Variants in IMMP2L observed in about 807,000 individuals in gnomAD.
IMMP2L encodes the protein inner mitochondrial membrane peptidase subunit 2.
IMMP2L carries 18 observed loss-of-function variants against 19.3 expected under a neutral mutation model. That is an observed-to-expected ratio of 0.93 (90% CI 0.64 to 1.38). The LOEUF (loss-of-function observed/expected upper bound fraction) is 1.38, where lower values mean the gene tolerates loss of function less well. Among genes scored for constraint, IMMP2L ranks in the 40% most tolerant of loss-of-function variants. The pLI is 0.00. For synonymous variants in IMMP2L, 76 were observed against 73.0 expected, an observed-to-expected ratio of 1.04 and a Z score of -0.21; for missense variants, 233 against 218.2, an observed-to-expected ratio of 1.07 and a Z score of -0.43.
At chr7:111,019,810 C>A (rs1296111050) in intron 3 of IMMP2L, among the ~76,000 whole-genome samples, 2 of 152,064 alleles carry the variant, frequency 1.3e-5, no homozygotes, top group East Asian at 1.9e-4. Flanking sequence ...AAAAAAAATT[C>A]TTGGAAGTAA....
At chr7:110,681,998 A>T (rs937055583) in intron 5 of IMMP2L, among the ~76,000 whole-genome samples, 1 of 152,182 alleles carries the variant, frequency 6.6e-6, no homozygotes, top group Non-Finnish European at 1.5e-5. Context: ...AAAAGAAGAA[A>T]GAAAAATGTG....
intron 3 of IMMP2L, among the ~76,000 whole-genome samples, chr7:111,108,249 TC>T (rs1012125879): frequency 4.6e-5 from 7 of 152,192 alleles, no homozygotes; most frequent in Non-Finnish European, 1.0e-4. Context: ...AGGACTTTTC[TC>T]AGTACTTAAC....
At chr7:111,319,611 T>C (rs556907723) in intron 3 of IMMP2L, among the ~76,000 whole-genome samples, 59 of 152,232 alleles carry the variant, frequency 3.9e-4, no homozygotes, top group African/African-American at 1.4e-3. Context: ...ATGTTTGGTT[T>C]CAAAGATCAG....
rs147339807 is a variant in IMMP2L, at chr7:111,349,989, C to T, written c.239+137249G>A. On this transcript the variant is annotated intron_variant, in intron 3 of 5. Transcript: ENST00000405709. ...ATGGTCCTTTTTTTTTTTTTTGAGA[C>T]GGAGTTTAGCTCTTATTGCCTAGAC... 7.8e-4 allele frequency among the ~76,000 whole-genome samples: 115 copies of T among 147,106 alleles called. 1 individual carries two copies. Among genetic ancestry groups the T allele is most frequent in the African/African-American group, 1.0e-3 (41 of 39,916 alleles).
intron 5 of IMMP2L, among the ~76,000 whole-genome samples, chr7:110,729,039 T>C (rs1796080684): frequency 7.1e-6 from 1 of 140,040 alleles, no homozygotes; most frequent in Non-Finnish European, 1.6e-5. Flanking sequence ...CACATGCCAC[T>C]ATGCCTGGCT....
intron 3 of IMMP2L, among the ~76,000 whole-genome samples, chr7:110,995,368 G>A (rs150265723): frequency 6.6e-6 from 1 of 152,246 alleles, no homozygotes; most frequent in Admixed American, 6.6e-5. Context: ...CATATTTATA[G>A]TTATTTATTG....
In IMMP2L at chr7:111,527,271, G is replaced by A. The variant is rs926177967; in HGVS notation, c.-2-5822C>T. On this transcript the variant is annotated intron_variant, in intron 1 of 5. Transcript: ENST00000405709. ...TCCATCTCTAAAAATTTAAAAATTA[G>A]CAAGGCATGGTAGCATACACCTGTA... Among the ~76,000 whole-genome samples the A allele has an allele frequency of 4.6e-5, 7 of 151,966 alleles. No homozygotes were observed. The South Asian group carries it at 8.3e-4, about 18-fold the overall frequency.
At chr7:110,675,673 C>T (rs1792247367) in intron 5 of IMMP2L, among the ~76,000 whole-genome samples, 1 of 152,076 alleles carries the variant, frequency 6.6e-6, no homozygotes, top group African/African-American at 2.4e-5. Flanking sequence ...ATAGTACTTA[C>T]AGCTTTAAAA....
chr7:111,413,767 TG>T (rs1380908106), intron 3 of IMMP2L, among the ~76,000 whole-genome samples: 1 of 140,142 alleles, frequency 7.1e-6, no homozygotes, highest in Non-Finnish European at 1.5e-5. Flanking sequence ...CTTTGTGATG[TG>T]GGAGCTAGAC....
intron 1 of IMMP2L, among the ~76,000 whole-genome samples, chr7:111,540,040 GAAC>G (rs1585597762): frequency 6.6e-6 from 1 of 151,906 alleles, no homozygotes; most frequent in Non-Finnish European, 1.5e-5. Flanking sequence ...TAATCTAATT[GAAC>G]AACAGAAGCC....
intron 3 of IMMP2L, among the ~76,000 whole-genome samples, chr7:111,295,667 G>A (rs559267258): frequency 3.3e-5 from 5 of 151,792 alleles, no homozygotes; most frequent in African/African-American, 7.2e-5. Context: ...TCTAGCAGGC[G>A]TATAAATGTG....
At chr7:111,364,998 A>G (rs1177542777) in intron 3 of IMMP2L, among the ~76,000 whole-genome samples, 2 of 152,034 alleles carry the variant, frequency 1.3e-5, no homozygotes. Context: ...AACATTATAT[A>G]CATAAGTAAT....
chr7:110,734,035 G>T (rs1796453397), intron 5 of IMMP2L, among the ~76,000 whole-genome samples: 1 of 152,130 alleles, frequency 6.6e-6, no homozygotes, highest in Admixed American at 6.5e-5. Flanking sequence ...ACAAAAATTT[G>T]CACCAGAAAT....
intron 3 of IMMP2L, among the ~76,000 whole-genome samples, chr7:111,206,242 T>C (rs1041171854): frequency 6.6e-5 from 10 of 152,162 alleles, no homozygotes; most frequent in African/African-American, 2.4e-4. Context: ...GTGCTTGCTT[T>C]AACTTAAGCT....
intron 5 of IMMP2L, among the ~76,000 whole-genome samples, chr7:110,666,887 A>C (rs1291330852): frequency 6.6e-6 from 1 of 152,158 alleles, no homozygotes; most frequent in Non-Finnish European, 1.5e-5. Context: ...AGTCCTTAAA[A>C]TATATCTCAG....
chr7:111,228,966 C>CAT (rs968136608), intron 3 of IMMP2L, among the ~76,000 whole-genome samples: 2 of 143,950 alleles, frequency 1.4e-5, no homozygotes, highest in African/African-American at 5.1e-5. Context: ...ACTAGCAATG[C>CAT]GTGTGTGTGT....
intron 5 of IMMP2L, among the ~76,000 whole-genome samples, chr7:110,807,097 G>A (rs2131249668): frequency 6.6e-6 from 1 of 151,940 alleles, no homozygotes; most frequent in East Asian, 1.9e-4. Flanking sequence ...GACTTGTTCT[G>A]GCTCTTAGTT....
At chr7:111,413,671 A>AG (rs1834667567) in intron 3 of IMMP2L, among the ~76,000 whole-genome samples, 1 of 151,962 alleles carries the variant, frequency 6.6e-6, no homozygotes, top group African/African-American at 2.4e-5. Context: ...TAAGAAAAAA[A>AG]AAAAATCTCA....
chr7:110,824,050 G>GTAA (rs1803255030), intron 5 of IMMP2L, among the ~76,000 whole-genome samples: 1 of 152,064 alleles, frequency 6.6e-6, no homozygotes, highest in Non-Finnish European at 1.5e-5. Context: ...CACTGCATAT[G>GTAA]TAATAATTAC....
Sources: allele counts gnomAD v4.1 joint callset (sites outside exome capture counted in the v4.1 genomes callset), GRCh38; gene constraint gnomAD v4.1.1; transcripts MANE v1.5; gene names NCBI Gene and HGNC (gene_info 2026-07-23, HGNC 2026-07-21).